The following GRIP1 variants were observed in gnomAD, a reference collection of about 807,000 sequenced individuals.
The protein encoded by GRIP1 is glutamate receptor-interacting protein 1.
Under a neutral mutation model 129.9 loss-of-function variants are expected in GRIP1, and 45 were observed. That is an observed-to-expected ratio of 0.35 (90% CI 0.27 to 0.44). The LOEUF is 0.44. Ranked by LOEUF, GRIP1 falls within the 20% of genes least tolerant of loss-of-function variation. The pLI is 1.00. For synonymous variants in GRIP1, 530 were observed against 520.8 expected (o/e 1.02, Z -0.24); for missense variants, 1,196 against 1,396.8 (o/e 0.86, Z 2.29).
chr12:66,425,535 G>GA (rs2057953178), intron 14 of GRIP1, among the ~76,000 whole-genome samples: 1 of 152,098 alleles, frequency 6.6e-6, no homozygotes, highest in Admixed American at 6.6e-5. Flanking sequence ...TATGTTTATT[G>GA]GGCACTATTC....
chr12:66,483,287 C>T (rs1159578583), intron 7 of GRIP1, among the ~76,000 whole-genome samples: 1 of 152,242 alleles, frequency 6.6e-6, no homozygotes, highest in Non-Finnish European at 1.5e-5. Context: ...TTCAGATAAA[C>T]CAAACCCCAA....
chr12:66,572,085 C>T (rs1451513987), intron 2 of GRIP1, among the ~76,000 whole-genome samples: 2 of 152,200 alleles, frequency 1.3e-5, no homozygotes, highest in African/African-American at 4.8e-5. Flanking sequence ...ACTGCCTTAT[C>T]AGTCCTCTTC....
chr12:66,461,280 A>G (rs1327742301), intron 9 of GRIP1, among the ~76,000 whole-genome samples: 1 of 152,246 alleles, frequency 6.6e-6, no homozygotes, highest in Non-Finnish European at 1.5e-5. Context: ...AGGGTCTGGT[A>G]TGCATTTCCG....
chr12:66,403,360 G>A (rs1416186813), intron 16 of GRIP1, among the ~76,000 whole-genome samples: 1 of 152,000 alleles, frequency 6.6e-6, no homozygotes, highest in African/African-American at 2.4e-5. Context: ...GATTTAGTTT[G>A]CCTTTAAATA....
At chr12:66,519,074 C>T (rs942064881) in intron 5 of GRIP1, among the ~76,000 whole-genome samples, 4 of 152,208 alleles carry the variant, frequency 2.6e-5, no homozygotes, top group Non-Finnish European at 5.9e-5. Flanking sequence ...TGTTTGCCTG[C>T]TAGAACAGAT....
intron 1 of GRIP1, among the ~76,000 whole-genome samples, chr12:66,826,676 GA>G (rs754581307): frequency 4.2e-4 from 64 of 151,428 alleles, no homozygotes; most frequent in Non-Finnish European, 7.4e-4. Context: ...ATAAACTCAT[GA>G]AAAAGAAAAT....
At chr12:66,802,998 G>T (rs2038902101) in intron 1 of GRIP1, among the ~76,000 whole-genome samples, 1 of 152,026 alleles carries the variant, frequency 6.6e-6, no homozygotes, top group Admixed American at 6.6e-5. Flanking sequence ...TTGTATTATT[G>T]CCACCACATG....
intron 1 of GRIP1, among the ~76,000 whole-genome samples, chr12:66,999,148 T>C (rs1170094555): frequency 6.6e-6 from 1 of 152,150 alleles, no homozygotes; most frequent in Admixed American, 6.6e-5. Context: ...GTCTGTCTTG[T>C]TCATACCTAC....
intron 1 of GRIP1, among the ~76,000 whole-genome samples, chr12:66,667,861 C>T (rs2033879617): frequency 1.3e-5 from 2 of 152,214 alleles, no homozygotes; most frequent in Admixed American, 1.3e-4. Context: ...TGCCTCCTTC[C>T]TCTGCCTGAT....
chr12:66,363,082 T>C (rs2137183501), intron 23 of GRIP1, among the ~76,000 whole-genome samples: 1 of 150,198 alleles, frequency 6.7e-6, no homozygotes, highest in Non-Finnish European at 1.5e-5. Context: ...CACTGGCTGA[T>C]ATATCACATA....
intron 1 of GRIP1, among the ~76,000 whole-genome samples, chr12:67,040,685 C>T (rs1466306996): frequency 6.6e-6 from 1 of 152,116 alleles, no homozygotes. Context: ...AATGGAGACA[C>T]CCAACTGACA....
intron 2 of GRIP1, chr12:66,569,100 G>A (rs1023787851): frequency 1.8e-5 from 4 of 225,952 alleles, no homozygotes; most frequent in Non-Finnish European, 2.7e-5. Context: ...CTCTTTGAGA[G>A]TTTCAGTTTT....
At chr12:66,391,197 C>T in intron 19 of GRIP1, among the ~76,000 whole-genome samples, 1 of 152,168 alleles carries the variant, frequency 6.6e-6, no homozygotes, top group Non-Finnish European at 1.5e-5. Context: ...AGCCCTCACA[C>T]CAATGTGTTC....
In GRIP1 at chr12:67,064,213, C is replaced by T. The variant is rs146954798; in HGVS notation, c.58+4837G>A. ...CCAAAATATACTGTAGAAGTGTTTT[C>T]CCAGTATACATAACTAAGCAAACTC... On this transcript the variant is annotated intron_variant, in intron 1 of 1. Coordinates refer to the GRIP1 transcript ENST00000643019. Among the ~76,000 whole-genome samples the T allele has an allele frequency of 5.2e-3, 785 of 152,206 alleles. 3 individuals are homozygous for T. Among genetic ancestry groups the T allele is most frequent in the Middle Eastern group, 0.034 (10 of 294 alleles).
intron 1 of GRIP1, among the ~76,000 whole-genome samples, chr12:67,011,062 TC>T (rs1399460142): frequency 6.6e-6 from 1 of 152,136 alleles, no homozygotes; most frequent in Admixed American, 6.6e-5. Flanking sequence ...CCCATATCTT[TC>T]CTCCAAGCTC....
intron 2 of GRIP1, among the ~76,000 whole-genome samples, chr12:66,594,089 A>G (rs2063949513): frequency 6.6e-6 from 1 of 151,254 alleles, no homozygotes; most frequent in South Asian, 2.1e-4. Flanking sequence ...AAAAAAAAAA[A>G]AAAGATTTCA....
At chr12:66,365,102 A>G (rs1284358984) in intron 23 of GRIP1, among the ~76,000 whole-genome samples, 1 of 152,184 alleles carries the variant, frequency 6.6e-6, no homozygotes, top group Non-Finnish European at 1.5e-5. Context: ...GATGTATATA[A>G]TTATTATGTG....
intron 1 of GRIP1, among the ~76,000 whole-genome samples, chr12:66,809,292 TA>T (rs1463727695): frequency 2.6e-5 from 4 of 152,246 alleles, no homozygotes; most frequent in African/African-American, 9.6e-5. Context: ...GATCAGCGAT[TA>T]GGGGGTTCCC....
intron 1 of GRIP1, among the ~76,000 whole-genome samples, chr12:66,776,049 CCT>C (rs2037970087): frequency 6.6e-6 from 1 of 152,184 alleles, no homozygotes; most frequent in African/African-American, 2.4e-5. Context: ...AGCACACAAT[CCT>C]CTGTCCAAAT....
Sources: gnomAD v4.1 joint callset for allele counts (sites outside exome capture counted in the v4.1 genomes callset) on GRCh38, gnomAD v4.1.1 for gene constraint, MANE v1.5 for transcripts, NCBI Gene and HGNC (gene_info 2026-07-23, HGNC 2026-07-21) for gene names.